MAP2: variants seen among roughly 807,000 people sequenced by gnomAD.
The protein encoded by MAP2 is microtubule associated protein 2.
In MAP2, 14 loss-of-function variants were observed where a neutral mutation model predicts 137.6. The observed-to-expected ratio is 0.10, with a 90% confidence interval of 0.07 to 0.16. The LOEUF (loss-of-function observed/expected upper bound fraction) is 0.16, where lower values mean the gene tolerates loss of function less well. Among genes scored for constraint, MAP2 ranks in the 10% least tolerant of loss-of-function variants. MAP2 has a pLI of 1.00. For synonymous variants in MAP2, 786 were observed against 782.3 expected (o/e 1.00, Z -0.08); for missense variants, 2,088 against 2,191.5 (o/e 0.95, Z 0.94).
chr2:209,630,354 G>A (rs139940791), intron 4 of MAP2, among the ~76,000 whole-genome samples: 7 of 152,206 alleles, frequency 4.6e-5, no homozygotes, highest in Non-Finnish European at 7.4e-5. Context: ...AACTCTTTAC[G>A]TAGAGACTGG....
At chr2:209,583,699 G>C (rs2077041397) in intron 3 of MAP2, among the ~76,000 whole-genome samples, 1 of 151,856 alleles carries the variant, frequency 6.6e-6, no homozygotes, top group Admixed American at 6.6e-5. Context: ...CCGGAGCTCA[G>C]TTGGAGTCAG....
At chr2:209,641,116 G>T (rs2093991093) in intron 4 of MAP2, among the ~76,000 whole-genome samples, 1 of 152,036 alleles carries the variant, frequency 6.6e-6, no homozygotes, top group Non-Finnish European at 1.5e-5. Context: ...TCATAATGTG[G>T]CTCTCAGGTA....
intron 3 of MAP2, among the ~76,000 whole-genome samples, chr2:209,591,851 T>C (rs1311904046): frequency 6.6e-6 from 1 of 152,204 alleles, no homozygotes; most frequent in African/African-American, 2.4e-5. Flanking sequence ...TGTTAGGTTA[T>C]TATAATTTTT....
At chr2:209,496,491 C>T (rs577190720) in intron 1 of MAP2, among the ~76,000 whole-genome samples, 35 of 152,122 alleles carry the variant, frequency 2.3e-4, no homozygotes, top group Non-Finnish European at 4.1e-4. Context: ...ATTATATCAC[C>T]ACAAATTTAA....
rs561657364 is a variant in MAP2, at chr2:209,550,319, G to A, written c.-171-29717G>A. Among the ~76,000 whole-genome samples the A allele has an allele frequency of 1.3e-5, 2 of 152,124 alleles. 1 individual carries two copies. Among genetic ancestry groups the A allele is most frequent in the South Asian group, 4.2e-4 (2 of 4,816 alleles). Reference sequence around the variant, plus strand: ...ATATGCAGTGAATCTATATACTTATGATTATAGAAATAAAGTATATGTAGC... The same window carrying A: ...ATATGCAGTGAATCTATATACTTATAATTATAGAAATAAAGTATATGTAGC... On this transcript the variant is annotated intron_variant, in intron 2 of 15. Transcript: ENST00000682079.
At chr2:209,571,619 A>T (rs2074412914) in intron 2 of MAP2, among the ~76,000 whole-genome samples, 1 of 151,990 alleles carries the variant, frequency 6.6e-6, no homozygotes, top group African/African-American at 2.4e-5. Context: ...CTTAAAGTGT[A>T]ATGAGATTAT....
At chr2:209,660,133 A>G (rs1008467042) in intron 5 of MAP2, among the ~76,000 whole-genome samples, 7 of 152,076 alleles carry the variant, frequency 4.6e-5, no homozygotes, top group Admixed American at 3.9e-4. Flanking sequence ...TTAAAAGGCA[A>G]TTCCTCACTA....
chr2:209,564,556 TAAAAAAAAAAAAAAAA>T (rs757367849), intron 2 of MAP2, among the ~76,000 whole-genome samples: 6 of 55,994 alleles, frequency 1.1e-4, no homozygotes, highest in Non-Finnish European at 1.8e-4. Context: ...CTCTGTGGAG[TAAAAAAAAAAAAAAAA>T]AAAAAAAAAA....
In MAP2 at chr2:209,627,301, A is replaced by G. The variant is rs549148971; in HGVS notation, c.-30+2172A>G. On this transcript the variant is annotated intron_variant, in intron 4 of 15. Transcript: ENST00000682079. ...GCTAATTTTAGAATTTGTTTAAGGT[A>G]AAAGAAATGTTAGTATATGGTAGTG... Among the ~76,000 whole-genome samples, 162 of 152,306 alleles carry G rather than the reference A, an allele frequency of 1.1e-3. 1 individual carries two copies. Among genetic ancestry groups the G allele is most frequent in the Admixed American group, 9.1e-3 (139 of 15,292 alleles).
chr2:209,433,993 C>T (rs62213409), intron 1 of MAP2, among the ~76,000 whole-genome samples: 32,314 of 151,972 alleles, frequency 0.21, 4,062 homozygotes, highest in South Asian at 0.3. Flanking sequence ...CAAACAACAA[C>T]CAACATTAAA....
At chr2:209,565,688 G>A (rs1029984778) in intron 2 of MAP2, among the ~76,000 whole-genome samples, 2 of 151,922 alleles carry the variant, frequency 1.3e-5, no homozygotes, top group African/African-American at 2.4e-5. Context: ...CTCTGAGGCC[G>A]TTAGCTCTTT....
At chr2:209,524,179 C>T (rs288056) in intron 2 of MAP2, among the ~76,000 whole-genome samples, 1,766 of 152,190 alleles carry the variant, frequency 0.012, 36 homozygotes, top group African/African-American at 0.041. Flanking sequence ...TTTAGATGCT[C>T]AGTGATGCAT....
At chr2:209,495,726 A>C (rs939296412) in intron 1 of MAP2, among the ~76,000 whole-genome samples, 1 of 152,250 alleles carries the variant, frequency 6.6e-6, no homozygotes, top group African/African-American at 2.4e-5. Context: ...TCAATAATGC[A>C]TCTGACAAAC....
intron 4 of MAP2, among the ~76,000 whole-genome samples, chr2:209,641,946 A>T (rs1364160003): frequency 1.3e-5 from 2 of 152,084 alleles, no homozygotes; most frequent in Non-Finnish European, 2.9e-5. Context: ...TCTGGAGTGG[A>T]TTCTCTTTTT....
chr2:209,571,775 G>A (rs1404331910), intron 2 of MAP2, among the ~76,000 whole-genome samples: 1 of 151,946 alleles, frequency 6.6e-6, no homozygotes, highest in Non-Finnish European at 1.5e-5. Flanking sequence ...GAGCTTAGGT[G>A]GTAATGTCAT....
rs115735781 is a variant in MAP2 at position 209,431,871 on chromosome 2, A to G, written c.-222+7595A>G. On this transcript the variant is annotated intron_variant, in intron 1 of 15. Coordinates refer to ENST00000682079, the MANE Select transcript of MAP2 (RefSeq NM_001375505.1). ...AATTCTAGGGTTATTCCAACCAGCT[A>G]CATGCCAGCTACACTACTGTAAGCA... 5.7e-3 allele frequency among the ~76,000 whole-genome samples: 873 copies of G among 152,288 alleles called. 5 individuals carry two copies. Among genetic ancestry groups the G allele is most frequent in the Non-Finnish European group, 6.7e-3 (455 of 68,018 alleles).
At chr2:209,467,239 C>T (rs979107380) in intron 1 of MAP2, among the ~76,000 whole-genome samples, 2 of 152,098 alleles carry the variant, frequency 1.3e-5, no homozygotes, top group East Asian at 3.9e-4. Context: ...TTAATTGCAA[C>T]GACCTCTTTC....
rs997444553 is a variant in MAP2, at chr2:209,733,058, T to C, written c.*2661T>C. On this transcript the variant is annotated 3_prime_UTR_variant, in exon 16 of 16. Coordinates refer to ENST00000682079, the MANE Select transcript of MAP2 (RefSeq NM_001375505.1). Reference sequence around the variant, plus strand: ...TCTTGTGGGGACACACATACGCTGATCTAGGAATGAAATCTTCGTGGTCTC... The same window carrying C: ...TCTTGTGGGGACACACATACGCTGACCTAGGAATGAAATCTTCGTGGTCTC... The C allele has an allele frequency of 6.6e-6, 1 of 152,590 alleles. No individual in the cohort carries two copies. Among genetic ancestry groups the C allele is most frequent in the African/African-American group, 2.4e-5 (1 of 41,428 alleles). The allele number at this position is 152,590 out of a possible 1,614,324, so 9.5% of individuals were successfully genotyped here.
At chr2:209,567,800 TATA>T (rs1419039121) in intron 2 of MAP2, among the ~76,000 whole-genome samples, 1 of 152,118 alleles carries the variant, frequency 6.6e-6, no homozygotes, top group Non-Finnish European at 1.5e-5. Context: ...ATTGCTTATG[TATA>T]ATATTTCCTT....
Sources: allele counts gnomAD v4.1 joint callset (sites outside exome capture counted in the v4.1 genomes callset), GRCh38; gene constraint gnomAD v4.1.1; transcripts MANE v1.5; gene names NCBI Gene and HGNC (gene_info 2026-07-23, HGNC 2026-07-21).